HLCS: variants seen among roughly 807,000 people sequenced by gnomAD.
The protein encoded by HLCS is holocarboxylase synthetase.
A neutral mutation model predicts 75.0 loss-of-function variants in HLCS; 53 were observed. The ratio of observed to expected loss-of-function variants is 0.71; its 90% CI spans 0.57 to 0.89. The LOEUF (loss-of-function observed/expected upper bound fraction) is 0.89, where lower values mean the gene tolerates loss of function less well. Among genes scored for constraint, HLCS ranks in the 40% least tolerant of loss-of-function variants. HLCS has a pLI of 0.00. For synonymous variants in HLCS, 431 were observed against 428.6 expected (o/e 1.01, Z -0.07); for missense variants, 966 against 1,074.0 (o/e 0.90, Z 1.41).
At chr21:36,886,466 A>G (rs1402781672) in intron 6 of HLCS, among the ~76,000 whole-genome samples, 1 of 146,844 alleles carries the variant, frequency 6.8e-6, no homozygotes, top group Non-Finnish European at 1.5e-5. Flanking sequence ...GATGGGTGCT[A>G]TGGGTTTGAA....
chr21:36,964,238 A>C (rs1029960374), intron 1 of HLCS, among the ~76,000 whole-genome samples: 4 of 152,228 alleles, frequency 2.6e-5, no homozygotes, highest in African/African-American at 9.6e-5. Flanking sequence ...TATGGGCATG[A>C]GATTCAGGTG....
At chr21:36,825,008 T>C (rs1484288979) in intron 6 of HLCS, among the ~76,000 whole-genome samples, 2 of 152,196 alleles carry the variant, frequency 1.3e-5, no homozygotes, top group Non-Finnish European at 2.9e-5. Context: ...AAAGAAAGAC[T>C]TTGACATAAA....
intron 6 of HLCS, among the ~76,000 whole-genome samples, chr21:36,889,811 TA>T (rs2064697612): frequency 6.6e-6 from 1 of 152,136 alleles, no homozygotes. Context: ...GGAAACCTAC[TA>T]GGAAATAGCA....
chr21:36,827,242 C>T (rs1476385651), intron 6 of HLCS, among the ~76,000 whole-genome samples: 1 of 152,098 alleles, frequency 6.6e-6, no homozygotes, highest in East Asian at 1.9e-4. Flanking sequence ...AGATGTTCTT[C>T]AGCGAGCATA....
chr21:36,790,199 A>G (rs781565649), intron 6 of HLCS, among the ~76,000 whole-genome samples: 1 of 152,128 alleles, frequency 6.6e-6, no homozygotes, highest in Non-Finnish European at 1.5e-5. Flanking sequence ...AGGTCAGGAG[A>G]TCAAGACCAT....
intron 5 of HLCS, among the ~76,000 whole-genome samples, chr21:36,917,758 G>A (rs971535466): frequency 7.2e-5 from 11 of 152,030 alleles, no homozygotes; most frequent in Non-Finnish European, 1.5e-4. Context: ...GCCTCTGGTG[G>A]CCAGTTTAGT....
intron 5 of HLCS, among the ~76,000 whole-genome samples, chr21:36,914,806 G>T (rs957673803): frequency 3.3e-5 from 5 of 152,216 alleles, no homozygotes; most frequent in African/African-American, 1.2e-4. Context: ...CACTGGTCTC[G>T]TGGGTGCGGG....
intron 6 of HLCS, among the ~76,000 whole-genome samples, chr21:36,881,088 GC>G (rs2146270591): frequency 6.6e-6 from 1 of 152,176 alleles, no homozygotes; most frequent in South Asian, 2.1e-4. Context: ...TCCTGCCTCA[GC>G]CCCTCAACTA....
intron 5 of HLCS, among the ~76,000 whole-genome samples, chr21:36,918,102 C>G (rs753702008): frequency 1.9e-4 from 29 of 152,164 alleles, no homozygotes; most frequent in Non-Finnish European, 3.2e-4. Context: ...TTTAAATATT[C>G]AAGGAGCACA....
At chr21:36,924,225 C>A (rs1452177981) in intron 5 of HLCS, among the ~76,000 whole-genome samples, 1 of 152,128 alleles carries the variant, frequency 6.6e-6, no homozygotes, top group Non-Finnish European at 1.5e-5. Context: ...AAATGGCAGG[C>A]AAAGATTTTT....
chr21:36,878,530 C>T (rs899628816), intron 6 of HLCS, among the ~76,000 whole-genome samples: 1 of 152,090 alleles, frequency 6.6e-6, no homozygotes, highest in African/African-American at 2.4e-5. Flanking sequence ...TCATACTTAC[C>T]ATTGTATTTA....
rs140283369 is a variant in HLCS, at chr21:36,914,148, C to T, written c.1620+16103G>A. 3.9e-5 allele frequency among the ~76,000 whole-genome samples: 6 copies of T among 152,316 alleles called. No homozygotes were observed. In the East Asian group the frequency reaches 7.7e-4, roughly 20 times the overall value. ...TGAGAAACATCCAGAGTTAGGAGCA[C>T]GGGAGCCCAGGGATGGGCCGACAGG... is the stretch of plus-strand genomic sequence containing the variant. On this transcript the variant is annotated intron_variant, in intron 5 of 10. Transcript: ENST00000674895.
At chr21:36,804,334 C>T (rs929452618) in intron 6 of HLCS, 1 of 152,310 alleles carries the variant, frequency 6.6e-6, no homozygotes, top group African/African-American at 2.4e-5. Context: ...TTTGTGGGTT[C>T]TTTGATCACC....
rs140844670 is a variant in HLCS, at chr21:36,844,391, G to A, written c.1892+52469C>T. On this transcript the variant is annotated intron_variant, in intron 6 of 10. Coordinates refer to ENST00000674895, the MANE Select transcript of HLCS (RefSeq NM_001352514.2). ...CAGAAGGACAGGGAGGGAGTATATGGGAACTCTATACTCTGTTCAATTTTT... is the reference window on the plus strand; with the variant it reads ...CAGAAGGACAGGGAGGGAGTATATGAGAACTCTATACTCTGTTCAATTTTT... 5.3e-5 allele frequency among the ~76,000 whole-genome samples: 8 copies of A among 152,178 alleles called. No individual in the cohort carries two copies. In the East Asian group the frequency reaches 1.2e-3, roughly 22 times the overall value.
chr21:36,907,769 A>G (rs955810644), intron 5 of HLCS, among the ~76,000 whole-genome samples: 2 of 152,248 alleles, frequency 1.3e-5, no homozygotes, highest in South Asian at 4.1e-4. Flanking sequence ...TGTATCCGGA[A>G]TATAAAAAAG....
intron 4 of HLCS, 76 bp downstream of exon 4, chr21:36,936,373 C>A: frequency 2.3e-6 from 3 of 1,279,902 alleles, no homozygotes; most frequent in Non-Finnish European, 3.4e-6. Flanking sequence ...TAAGCGTGTA[C>A]CTTTAAAAGA....
rs182289960 is a variant in HLCS, at chr21:36,918,906, A to T, written c.1620+11345T>A. ...TGCTCATCATACACATGTGCTTATT[A>T]TACACAATGCACAGATACTACAGTC... On this transcript the variant is annotated intron_variant, in intron 5 of 10. Transcript: ENST00000674895. Among the ~76,000 whole-genome samples the T allele has an allele frequency of 2.0e-5, 3 of 152,340 alleles. No individual in the cohort carries two copies. In the East Asian group the frequency reaches 5.8e-4, roughly 29 times the overall value.
intron 6 of HLCS, among the ~76,000 whole-genome samples, chr21:36,802,307 T>C (rs1399422567): frequency 1.3e-5 from 2 of 152,214 alleles, no homozygotes; most frequent in East Asian, 1.9e-4. Context: ...GCGTACTTCA[T>C]GTCCATCTGT....
intron 2 of HLCS, among the ~76,000 whole-genome samples, chr21:36,958,253 A>G (rs3035106): frequency 0.17 from 23,134 of 135,552 alleles, 2,048 homozygotes; most frequent in East Asian, 0.33. Flanking sequence ...AAAAAAAAAA[A>G]AAAGAAAGAA....
Sources: gnomAD v4.1 joint callset for allele counts (sites outside exome capture counted in the v4.1 genomes callset) on GRCh38, gnomAD v4.1.1 for gene constraint, MANE v1.5 for transcripts, NCBI Gene and HGNC (gene_info 2026-07-23, HGNC 2026-07-21) for gene names.